Variants in ANKRD11 observed in about 807,000 individuals in gnomAD.
ANKRD11 encodes the protein ankyrin repeat domain 11, also known as ankyrin repeat domain-containing protein 11.
In ANKRD11, 17 loss-of-function variants were observed where a neutral mutation model predicts 195.7. That is an observed-to-expected ratio of 0.09 (90% confidence interval 0.06 to 0.13). The LOEUF (loss-of-function observed/expected upper bound fraction) is 0.13. Ranked by LOEUF, ANKRD11 falls within the 10% of genes least tolerant of loss-of-function variation. The pLI is 1.00. For synonymous variants in ANKRD11, 1,953 were observed against 1,528.1 expected (o/e 1.28, Z -6.49); for missense variants, 3,735 against 3,566.1 (o/e 1.05, Z -1.21).
intron 1 of ANKRD11, among the ~76,000 whole-genome samples, chr16:89,464,450 T>C (rs1375390968): frequency 6.7e-6 from 1 of 148,304 alleles, no homozygotes; most frequent in Non-Finnish European, 1.5e-5. Context: ...CTACTAAAAA[T>C]ACAAAAAATT....
chr16:89,433,020 G>A (rs7189475), intron 1 of ANKRD11, among the ~76,000 whole-genome samples: 5,316 of 133,350 alleles, frequency 0.04, 324 homozygotes, highest in African/African-American at 0.14. Flanking sequence ...ACACACACAC[G>A]AAATATATGG....
intron 1 of ANKRD11, among the ~76,000 whole-genome samples, chr16:89,435,799 C>A (rs2043190482): frequency 8.1e-6 from 1 of 122,824 alleles, no homozygotes; most frequent in Admixed American, 7.8e-5. Flanking sequence ...CAGCTCTTCA[C>A]ACACACACAC....
intron 2 of ANKRD11, among the ~76,000 whole-genome samples, chr16:89,335,370 T>G (rs1228148371): frequency 6.6e-6 from 1 of 152,102 alleles, no homozygotes; most frequent in Non-Finnish European, 1.5e-5. Context: ...CATCCGTGAG[T>G]CCCACAGGTC....
intron 4 of ANKRD11, chr16:89,299,758 G>A (rs2035713476): frequency 1.1e-5 from 2 of 174,938 alleles, no homozygotes; most frequent in South Asian, 5.6e-5. Flanking sequence ...TGTGTGGGGT[G>A]CCTGCCCTGT....
At chr16:89,432,944 A>ATCTCCCTCTC (rs1221395147) in intron 1 of ANKRD11, among the ~76,000 whole-genome samples, 1 of 108,650 alleles carries the variant, frequency 9.2e-6, no homozygotes, top group African/African-American at 3.9e-5. Context: ...CAGAGACCCT[A>ATCTCCCTCTC]TCTCTCTCTC....
intron 3 of ANKRD11, among the ~76,000 whole-genome samples, chr16:89,316,601 T>C (rs1452571383): frequency 6.6e-6 from 1 of 152,198 alleles, no homozygotes; most frequent in Non-Finnish European, 1.5e-5. Context: ...AGTCAGGATA[T>C]CTGAATGCCT....
At chr16:89,418,887 A>G (rs1459887325) in intron 1 of ANKRD11, among the ~76,000 whole-genome samples, 1 of 151,182 alleles carries the variant, frequency 6.6e-6, no homozygotes, top group Non-Finnish European at 1.5e-5. Flanking sequence ...CTCCTACCTC[A>G]GCCTCCCGAG....
chr16:89,440,242 G>A (rs1240263896), intron 1 of ANKRD11, among the ~76,000 whole-genome samples: 2 of 152,168 alleles, frequency 1.3e-5, no homozygotes, highest in African/African-American at 2.4e-5. Flanking sequence ...TTATCAATAT[G>A]TTCACGTAAA....
Position 89,441,624 on chromosome 16 carries a change from G to A in ANKRD11, c.-144-23256C>T, listed in dbSNP as rs535623072. Among the ~76,000 whole-genome samples, 19 of 151,942 alleles carry A rather than the reference G, an allele frequency of 1.3e-4. No homozygotes were observed. In the East Asian group the frequency reaches 2.9e-3, roughly 23 times the overall value. On this transcript the variant is annotated intron_variant, in intron 1 of 12. Coordinates refer to ENST00000301030, the MANE Select transcript of ANKRD11 (RefSeq NM_013275.6). ...CTACTAAAAATACAAAAAATTAGCTGGGTGTGGTGGTGGGCACCTGCAGTC... is the reference window on the plus strand; with the variant it reads ...CTACTAAAAATACAAAAAATTAGCTAGGTGTGGTGGTGGGCACCTGCAGTC...
At chr16:89,468,825 G>A (rs1417313347) in intron 1 of ANKRD11, among the ~76,000 whole-genome samples, 6 of 152,178 alleles carry the variant, frequency 3.9e-5, no homozygotes, top group Admixed American at 1.3e-4. Flanking sequence ...GGGCTCAGCT[G>A]ACACCCTGCC....
chr16:89,428,753 G>A (rs985438744), intron 1 of ANKRD11, among the ~76,000 whole-genome samples: 1 of 151,566 alleles, frequency 6.6e-6, no homozygotes, highest in Non-Finnish European at 1.5e-5. Context: ...AATTAGCCAG[G>A]CATGGTGGCA....
intron 4 of ANKRD11, among the ~76,000 whole-genome samples, chr16:89,302,285 G>C (rs986547915): frequency 6.6e-6 from 1 of 152,132 alleles, no homozygotes; most frequent in African/African-American, 2.4e-5. Flanking sequence ...ACGGAGTCTT[G>C]CTCTGTTGCC....
intron 1 of ANKRD11, among the ~76,000 whole-genome samples, chr16:89,474,391 A>G (rs1185135221): frequency 6.6e-6 from 1 of 152,062 alleles, no homozygotes; most frequent in East Asian, 1.9e-4. Flanking sequence ...CCAAGGTGGA[A>G]GGAATGACTG....
At chr16:89,290,873 CCTG>C (rs1567592679) in intron 5 of ANKRD11, 45 bp from the exon 6 acceptor site, 10 of 1,611,244 alleles carry the variant, frequency 6.2e-6, no homozygotes, top group Non-Finnish European at 6.8e-6. Context: ...GTGGGGTGGT[CCTG>C]CTTTGTCCAA....
intron 2 of ANKRD11, among the ~76,000 whole-genome samples, chr16:89,358,657 G>C (rs1434622569): frequency 1.3e-5 from 2 of 152,178 alleles, no homozygotes; most frequent in African/African-American, 4.8e-5. Flanking sequence ...TGTTTACCCA[G>C]GATGCTGCCT....
At position 89,284,091 on chromosome 16, in the gene ANKRD11, A is replaced by G. The variant is rs1354854189; in HGVS notation, c.2451T>C (p.Tyr817=). Residue 817 remains tyrosine (Y), a synonymous_variant, in exon 9 of 13, where the codon TAT becomes TAC. Transcript: ENST00000301030. The part of the protein sequence containing the change: ...VYREDSAFDE[Y]CNKNQFLENE... ...TCTCCAGAAACTGATTTTTGTTACA[A>G]TATTCGTCAAAAGCAGAATCTTCCC... is the stretch of plus-strand genomic sequence containing the variant. 1 of 1,614,026 alleles carries G rather than the reference A, an allele frequency of 6.2e-7. No individual in the cohort carries two copies. Among genetic ancestry groups the G allele is most frequent in the South Asian group, 1.1e-5 (1 of 91,078 alleles).
At chr16:89,334,784 C>G (rs776164335) in intron 2 of ANKRD11, among the ~76,000 whole-genome samples, 1 of 152,164 alleles carries the variant, frequency 6.6e-6, no homozygotes, top group Non-Finnish European at 1.5e-5. Flanking sequence ...AGCCCACCCA[C>G]GTGTCCACCA....
In ANKRD11 at chr16:89,279,123, C is replaced by A. The variant is rs757316532; in HGVS notation, c.7419G>T (p.Thr2473=). 2.5e-6 allele frequency: 4 copies of A among 1,613,972 alleles called. No individual in the cohort carries two copies. In the East Asian group the frequency reaches 8.9e-5, roughly 36 times the overall value. ...PQCYAEYVTY[T]GSYLLDGKPL... The stretch of plus-strand genomic sequence containing the variant: ...GCTTGCCGTCCAGGAGGTAGGAGCC[C>A]GTGTAGGTGACGTACTCGGCGTAGC... The change falls in exon 9 of 13, where the codon ACG becomes ACT. Residue 2473 remains threonine, a synonymous_variant. Coordinates refer to ENST00000301030, the MANE Select transcript of ANKRD11 (RefSeq NM_013275.6). The surrounding 1 kb of genome is among the most constrained non-coding windows in gnomAD (Gnocchi z 5.6).
rs199896806 is a variant in ANKRD11 at position 89,300,123 on chromosome 16, C to A, written c.226+5083G>T. On this transcript the variant is annotated intron_variant, in intron 4 of 12. Transcript: ENST00000301030. The stretch of plus-strand genomic sequence containing the variant: ...GTGCCTGCCCTGTGTGGGGTGCGTG[C>A]GGTCTGTGCCCTGTGTGGGGTGCCT... 2.1e-3 allele frequency: 87 copies of A among 40,578 alleles called. 2 individuals carry two copies. In the South Asian group the frequency reaches 0.025, roughly 12 times the overall value. 2.5% of individuals were successfully genotyped at this position (40,578 alleles called of 1,614,324 possible).
Sources: gnomAD v4.1 joint callset for allele counts (sites outside exome capture counted in the v4.1 genomes callset) on GRCh38, gnomAD v4.1.1 for gene constraint, Gnocchi (gnomAD v3.1) non-coding constraint, MANE v1.5 for transcripts, NCBI Gene and HGNC (gene_info 2026-07-23, HGNC 2026-07-21) for gene names.